Variants in CSMD1 observed in about 807,000 individuals in gnomAD.
CSMD1 encodes CUB and sushi domain-containing protein 1.
Under a neutral mutation model 417.5 loss-of-function variants are expected in CSMD1, and 213 were observed. That is an observed-to-expected ratio of 0.51 (90% CI 0.46 to 0.57). CSMD1 has a LOEUF of 0.57. Ranked by LOEUF, CSMD1 falls within the 20% of genes least tolerant of loss-of-function variation. CSMD1 has a pLI of 0.00. For missense variants in CSMD1, 6,923 were observed against 4,529.7 expected, an observed-to-expected ratio of 1.53 and a Z score of -15.17; for synonymous variants, 2,862 against 1,736.8, an observed-to-expected ratio of 1.65 and a Z score of -16.11.
chr8:4,458,382 A>T (rs1799614237), intron 2 of CSMD1, among the ~76,000 whole-genome samples: 1 of 152,158 alleles, frequency 6.6e-6, no homozygotes. Flanking sequence ...TATAAACCTA[A>T]AGTTATTACA....
At chr8:4,966,886 C>T (rs111471164) in intron 1 of CSMD1, among the ~76,000 whole-genome samples, 1 of 152,118 alleles carries the variant, frequency 6.6e-6, no homozygotes, top group African/African-American at 2.4e-5. Flanking sequence ...TTCACAAGCA[C>T]GGTTAAAAAT....
intron 37 of CSMD1, among the ~76,000 whole-genome samples, chr8:3,171,924 C>G (rs574292370): frequency 6.6e-6 from 1 of 152,188 alleles, no homozygotes; most frequent in East Asian, 1.9e-4. Flanking sequence ...GTTCAGAAAC[C>G]CACTGTGACT....
chr8:3,332,660 T>A (rs891844023), intron 23 of CSMD1, among the ~76,000 whole-genome samples: 2 of 152,192 alleles, frequency 1.3e-5, no homozygotes, highest in Non-Finnish European at 2.9e-5. Flanking sequence ...TCTTCAAGTG[T>A]GTGTGGGAGT....
intron 1 of CSMD1, among the ~76,000 whole-genome samples, chr8:4,876,080 T>C (rs888321286): frequency 3.3e-5 from 5 of 152,080 alleles, no homozygotes; most frequent in South Asian, 2.1e-4. Flanking sequence ...GATAGCCTAA[T>C]GAGTATAACA....
At chr8:3,983,377 T>G (rs2688393) in intron 5 of CSMD1, among the ~76,000 whole-genome samples, 41,852 of 151,756 alleles carry the variant, frequency 0.28, 5,828 homozygotes, top group African/African-American at 0.3. Flanking sequence ...TGATCCCTCT[T>G]TCTTGCCCTC....
At chr8:3,580,638 G>A (rs17323393) in intron 9 of CSMD1, among the ~76,000 whole-genome samples, 39,149 of 151,976 alleles carry the variant, frequency 0.26, 5,154 homozygotes, top group Admixed American at 0.28. Flanking sequence ...AAAGTATAAA[G>A]CTTCAGGAGT....
chr8:4,138,444 A>C (rs1159589738), intron 3 of CSMD1, among the ~76,000 whole-genome samples: 1 of 152,056 alleles, frequency 6.6e-6, no homozygotes, highest in Non-Finnish European at 1.5e-5. Context: ...TCTATCAAAA[A>C]AACACAGAAC....
intron 18 of CSMD1, among the ~76,000 whole-genome samples, chr8:3,372,383 C>G (rs1810014635): frequency 6.6e-6 from 1 of 151,966 alleles, no homozygotes; most frequent in Non-Finnish European, 1.5e-5. Context: ...ATGGCCCTGC[C>G]TAGAAAACGA....
Position 4,994,531 on chromosome 8 carries a change from C to G in CSMD1, c.-115G>C. 2.1e-6 allele frequency: 2 copies of G among 933,544 alleles called. No individual in the cohort carries two copies. The highest frequency in any genetic ancestry group is 3.3e-6 in the Non-Finnish European group (2 of 611,264). The allele number at this position is 933,544 out of a possible 1,614,324, so 57.8% of individuals were successfully genotyped here. A position where few individuals can be genotyped will look rare whatever the true frequency, so the allele number is the denominator to read the frequency against. The stretch of plus-strand genomic sequence containing the variant: ...AGGCGAGCCGGAGAGAGAGCCCGGT[C>G]CCAAGACCCGCCGCGCATCCGACGC... On this transcript the variant is annotated 5_prime_UTR_variant, in exon 1 of 70. Transcript: ENST00000635120.
intron 1 of CSMD1, among the ~76,000 whole-genome samples, chr8:4,717,004 G>A (rs945193329): frequency 6.6e-6 from 1 of 151,908 alleles, no homozygotes; most frequent in African/African-American, 2.4e-5. Flanking sequence ...TAGAAGCCTG[G>A]GTTGATGAGG....
chr8:4,047,904 T>C (rs1798231415), intron 3 of CSMD1, among the ~76,000 whole-genome samples: 1 of 152,192 alleles, frequency 6.6e-6, no homozygotes, highest in Admixed American at 6.5e-5. Flanking sequence ...AGTTTGATTT[T>C]ATGTAGTATT....
At chr8:4,367,393 C>T (rs563586010) in intron 3 of CSMD1, among the ~76,000 whole-genome samples, 1 of 151,940 alleles carries the variant, frequency 6.6e-6, no homozygotes, top group Admixed American at 6.6e-5. Flanking sequence ...ATTTCTGGGT[C>T]CTCTCTCATT....
chr8:3,281,315 G>C (rs563267982), intron 26 of CSMD1, among the ~76,000 whole-genome samples: 1 of 151,970 alleles, frequency 6.6e-6, no homozygotes, highest in Admixed American at 6.6e-5. Context: ...GTGTTGGTGC[G>C]TGCTTGTAAT....
intron 1 of CSMD1, among the ~76,000 whole-genome samples, chr8:4,943,364 T>C (rs1250794847): frequency 2.0e-5 from 3 of 151,736 alleles, no homozygotes; most frequent in Non-Finnish European, 2.9e-5. Context: ...GGCGTGGTGG[T>C]GGACGCCTGT....
rs1048848402 is a variant in CSMD1 at position 4,965,332 on chromosome 8, A to C, written c.85+29000T>G. Among the ~76,000 whole-genome samples the C allele has an allele frequency of 5.3e-5, 8 of 152,214 alleles. No homozygotes were observed. In the South Asian group the frequency reaches 1.7e-3, roughly 31 times the overall value. On this transcript the variant is annotated intron_variant, in intron 1 of 69. Coordinates refer to ENST00000635120, the MANE Select transcript of CSMD1 (RefSeq NM_033225.6). ...CAAATGCTTTACATGTATTACTTCA[A>C]TCAAAGTCAAACCTGTTTATTTAAA...
At chr8:4,870,811 C>T (rs957873129) in intron 1 of CSMD1, among the ~76,000 whole-genome samples, 4 of 152,124 alleles carry the variant, frequency 2.6e-5, no homozygotes, top group Admixed American at 6.5e-5. Flanking sequence ...GAAGAAAGAG[C>T]GAGGAGTGCA....
At chr8:4,111,446 G>A (rs1165905427) in intron 3 of CSMD1, among the ~76,000 whole-genome samples, 2 of 150,648 alleles carry the variant, frequency 1.3e-5, no homozygotes, top group Non-Finnish European at 2.9e-5. Context: ...TATATACCCA[G>A]TAATGGGAAA....
intron 5 of CSMD1, among the ~76,000 whole-genome samples, chr8:3,829,456 T>G (rs559095714): frequency 1.0e-3 from 157 of 152,274 alleles, no homozygotes; most frequent in African/African-American, 3.7e-3. Context: ...TCAGGTTATC[T>G]GCAGAGCCCT....
chr8:4,356,046 C>G (rs902945682), intron 3 of CSMD1, among the ~76,000 whole-genome samples: 1 of 152,106 alleles, frequency 6.6e-6, no homozygotes, highest in Non-Finnish European at 1.5e-5. Context: ...GATCCTGGTG[C>G]ACTCATCACC....
Sources: gnomAD v4.1 joint callset for allele counts (sites outside exome capture counted in the v4.1 genomes callset) on GRCh38, gnomAD v4.1.1 for gene constraint, MANE v1.5 for transcripts, NCBI Gene and HGNC (gene_info 2026-07-23, HGNC 2026-07-21) for gene names.